The following ARHGEF10L variants were observed in gnomAD, a reference collection of about 807,000 sequenced individuals.
ARHGEF10L encodes the protein rho guanine nucleotide exchange factor 10-like protein.
In ARHGEF10L, 69 loss-of-function variants were observed where a neutral mutation model predicts 141.2. That is an observed-to-expected ratio of 0.49 (90% CI 0.40 to 0.60). The LOEUF (loss-of-function observed/expected upper bound fraction) is 0.60. ARHGEF10L is among the 20% of genes least tolerant of loss of function. The pLI, the probability that ARHGEF10L is intolerant of heterozygous loss-of-function variation, is 0.00. For missense variants in ARHGEF10L, 1,482 were observed against 1,734.3 expected (o/e 0.85, Z 2.58); for synonymous variants, 711 against 718.5 (o/e 0.99, Z 0.17).
At chr1:17,696,148 G>T (rs2065479588) in intron 28 of ARHGEF10L, among the ~76,000 whole-genome samples, 1 of 150,466 alleles carries the variant, frequency 6.6e-6, no homozygotes, top group Non-Finnish European at 1.5e-5. Flanking sequence ...GGGAGGTGGA[G>T]GTTGCAGTGA....
In ARHGEF10L at chr1:17,648,541, C is replaced by T; in HGVS notation, c.2273-13C>T. The T allele has an allele frequency of 1.2e-6, 2 of 1,613,432 alleles. No individual in the cohort carries two copies. The highest frequency in any genetic ancestry group is 1.8e-4 in the Middle Eastern group (1 of 5,654). ...TCTGACCAGCTCTACCCACCTCCTT[C>T]CTCTTGCTGTAGGGGAGGAGAACCA... is the stretch of plus-strand genomic sequence containing the variant. On this transcript the variant is annotated splice_polypyrimidine_tract_variant and intron_variant, in intron 21 of 28. Transcript: ENST00000361221.
intron 28 of ARHGEF10L, among the ~76,000 whole-genome samples, chr1:17,696,269 A>G (rs1558062491): frequency 6.6e-6 from 1 of 151,290 alleles, no homozygotes; most frequent in Non-Finnish European, 1.5e-5. Context: ...TCAAGGTTTC[A>G]TCAAATAGGG....
At chr1:17,542,065 G>A (rs957371225) in intron 1 of ARHGEF10L, among the ~76,000 whole-genome samples, 14 of 152,068 alleles carry the variant, frequency 9.2e-5, no homozygotes, top group African/African-American at 3.4e-4. Flanking sequence ...CTTGAACCCG[G>A]GAGGCGGAGG....
chr1:17,638,526 G>A (rs2061148753), intron 19 of ARHGEF10L, 36 bp from the exon 20 acceptor site: 2 of 1,613,562 alleles, frequency 1.2e-6, no homozygotes, highest in African/African-American at 1.3e-5. Flanking sequence ...GAGCCAGTGT[G>A]CTGTGTGGTG....
chr1:17,601,075 A>C lies in ARHGEF10L; in HGVS notation c.258-1052A>C, dbSNP rs557884445. Among the ~76,000 whole-genome samples, 139 of 151,252 alleles carry C rather than the reference A, an allele frequency of 9.2e-4. 4 individuals carry two copies. In the East Asian group the frequency reaches 0.017, roughly 18 times the overall value. ...AAAAAAAAAAAAAAAAAAACAAAAAACAAAAAACTCTAAAAAAACAAAAAG... is the reference window on the plus strand; with the variant it reads ...AAAAAAAAAAAAAAAAAAACAAAAACCAAAAAACTCTAAAAAAACAAAAAG... On this transcript the variant is annotated intron_variant, in intron 4 of 28. Coordinates refer to ENST00000361221, the MANE Select transcript of ARHGEF10L (RefSeq NM_018125.4).
At chr1:17,586,779 C>T (rs111327739) in intron 2 of ARHGEF10L, among the ~76,000 whole-genome samples, 1,915 of 152,042 alleles carry the variant, frequency 0.013, 41 homozygotes, top group African/African-American at 0.044. Flanking sequence ...GTAGGGTAGG[C>T]GGGGACAGTC....
At chr1:17,695,969 G>C (rs941597654) in intron 28 of ARHGEF10L, among the ~76,000 whole-genome samples, 2 of 152,202 alleles carry the variant, frequency 1.3e-5, no homozygotes, top group Non-Finnish European at 2.9e-5. Flanking sequence ...GGCCGAGGTG[G>C]GTGGATTGCC....
At chr1:17,530,012 T>C in the ARHGEF10L span, among the ~76,000 whole-genome samples, 3,375 of 151,868 alleles carry the variant, frequency 0.022, 116 homozygotes, top group African/African-American at 0.077. Flanking sequence ...TTTGTATTTT[T>C]AGTAGAGATG....
At chr1:17,643,925 C>A (rs922245733) in intron 21 of ARHGEF10L, among the ~76,000 whole-genome samples, 2 of 151,864 alleles carry the variant, frequency 1.3e-5, no homozygotes, top group Non-Finnish European at 2.9e-5. Context: ...AGCTCCAGAA[C>A]AGGGCTGCAG....
chr1:17,581,332 AGAAAAG>A (rs2078542367), intron 2 of ARHGEF10L, among the ~76,000 whole-genome samples: 1 of 147,414 alleles, frequency 6.8e-6, no homozygotes, highest in African/African-American at 2.5e-5. Flanking sequence ...AAAAAAAAAA[AGAAAAG>A]AGAAAAAGAA....
chr1:17,695,995 G>A (rs1244745757), intron 28 of ARHGEF10L, among the ~76,000 whole-genome samples: 2 of 151,932 alleles, frequency 1.3e-5, no homozygotes, highest in Admixed American at 6.6e-5. Context: ...TCAGGAGTTT[G>A]AGACCAGCCT....
the ARHGEF10L span, among the ~76,000 whole-genome samples, chr1:17,524,266 C>G: frequency 6.6e-6 from 1 of 151,572 alleles, no homozygotes; most frequent in East Asian, 1.9e-4. Context: ...GATGGTGTCA[C>G]TGCACTCCAG....
the ARHGEF10L span, among the ~76,000 whole-genome samples, chr1:17,534,545 G>C: frequency 6.6e-6 from 1 of 151,334 alleles, no homozygotes; most frequent in Non-Finnish European, 1.5e-5. Context: ...ACAGGCATGA[G>C]TCATGGTGCC....
intron 1 of ARHGEF10L, among the ~76,000 whole-genome samples, chr1:17,567,694 C>G (rs1327173123): frequency 6.6e-6 from 1 of 152,172 alleles, no homozygotes; most frequent in Non-Finnish European, 1.5e-5. Context: ...GAGATCCAGT[C>G]AGGAAGTGGA....
chr1:17,636,156 C>T (rs1395541204), intron 18 of ARHGEF10L, among the ~76,000 whole-genome samples: 1 of 152,180 alleles, frequency 6.6e-6, no homozygotes, highest in African/African-American at 2.4e-5. Flanking sequence ...TTCTGCTGGT[C>T]ATGCGGTCTA....
At position 17,550,277 on chromosome 1, in the gene ARHGEF10L, T is replaced by C. The variant is rs557289057; in HGVS notation, c.-44+10327T>C. ...ATGAAAGGAGACGGTTAAGAGGGAG[T>C]GAGGAGCATGGCTTTTGGAGAAACC... On this transcript the variant is annotated intron_variant, in intron 1 of 28. Coordinates refer to ENST00000361221, the MANE Select transcript of ARHGEF10L (RefSeq NM_018125.4). Among the ~76,000 whole-genome samples the C allele has an allele frequency of 3.3e-5, 5 of 151,682 alleles. No individual in the cohort carries two copies. The South Asian group carries it at 1.0e-3, about 32-fold the overall frequency.
At chr1:17,609,399 C>A (rs1169149560) in intron 7 of ARHGEF10L, among the ~76,000 whole-genome samples, 2 of 152,178 alleles carry the variant, frequency 1.3e-5, no homozygotes, top group Non-Finnish European at 2.9e-5. Flanking sequence ...GTCTTGCTAG[C>A]CAAAAAGCGA....
At chr1:17,535,476 G>C (rs1031051405), upstream of ARHGEF10L, among the ~76,000 whole-genome samples, 1 of 152,220 alleles carries the variant, frequency 6.6e-6, no homozygotes, top group Non-Finnish European at 1.5e-5. Context: ...GCCAGACTGG[G>C]AGGCAGCGGC....
chr1:17,605,978 C>T (rs1437554092), intron 6 of ARHGEF10L, among the ~76,000 whole-genome samples: 1 of 152,204 alleles, frequency 6.6e-6, no homozygotes, highest in Non-Finnish European at 1.5e-5. Context: ...TAAGCTTTGG[C>T]ACATCTGTTT....
Sources: gnomAD v4.1 joint callset for allele counts (sites outside exome capture counted in the v4.1 genomes callset) on GRCh38, gnomAD v4.1.1 for gene constraint, MANE v1.5 for transcripts, NCBI Gene and HGNC (gene_info 2026-07-23, HGNC 2026-07-21) for gene names.